The following IL15RA variants were observed in gnomAD, a reference collection of about 807,000 sequenced individuals.
IL15RA encodes interleukin-15 receptor subunit alpha.
IL15RA carries 26 observed loss-of-function variants against 24.2 expected under a neutral mutation model. The observed-to-expected ratio is 1.07, with a 90% confidence interval of 0.79 to 1.49. IL15RA has a LOEUF of 1.49. Among genes scored for constraint, IL15RA ranks in the 40% most tolerant of loss-of-function variants. The pLI, the probability that IL15RA is intolerant of heterozygous loss-of-function variation, is 0.00. For missense variants in IL15RA, 354 were observed against 356.4 expected (o/e 0.99, Z 0.05); for synonymous variants, 166 against 157.6 (o/e 1.05, Z -0.40).
chr10:5,973,235 G>A lies in IL15RA; in HGVS notation c.88+4170C>T, dbSNP rs139815527. Among the ~76,000 whole-genome samples, 152 of 152,258 alleles carry A rather than the reference G, an allele frequency of 1.0e-3. 1 individual carries two copies. Among genetic ancestry groups the A allele is most frequent in the African/African-American group, 3.5e-3 (144 of 41,554 alleles). On this transcript the variant is annotated intron_variant, in intron 1 of 6. Coordinates refer to ENST00000379977, the MANE Select transcript of IL15RA (RefSeq NM_002189.4). This position sits in a 1 kb window ranked among gnomAD's most constrained non-coding sequence, Gnocchi z 4.5. ...CATAGTAGCACAAGAAGGAGACTTTGCACCTTAGTGATATTGATTTGTCCA... is the reference window on the plus strand; with the variant it reads ...CATAGTAGCACAAGAAGGAGACTTTACACCTTAGTGATATTGATTTGTCCA...
chr10:5,970,997 G>A lies in IL15RA; in HGVS notation c.89-4658C>T, dbSNP rs1338496253. Among the ~76,000 whole-genome samples the A allele has an allele frequency of 1.3e-5, 2 of 151,798 alleles. No individual in the cohort carries two copies. Among genetic ancestry groups the A allele is most frequent in the East Asian group, 3.9e-4 (2 of 5,192 alleles). ...GGTCTCAAACTCCTGAACTCAAGCCGTCCTCCAGAGATAATACATTTAATT... is the reference window on the plus strand; with the variant it reads ...GGTCTCAAACTCCTGAACTCAAGCCATCCTCCAGAGATAATACATTTAATT... On this transcript the variant is annotated intron_variant, in intron 1 of 6. Coordinates refer to ENST00000379977, the MANE Select transcript of IL15RA (RefSeq NM_002189.4). The surrounding 1 kb of genome is among the most constrained non-coding windows in gnomAD (Gnocchi z 4.1).
At position 5,960,706 on chromosome 10, in the gene IL15RA, G is replaced by A. The variant is rs1475268164; in HGVS notation, c.383-139C>T. 9 of 706,608 alleles carry A rather than the reference G, an allele frequency of 1.3e-5. No individual in the cohort carries two copies. The highest frequency in any genetic ancestry group is 1.1e-4 in the East Asian group (4 of 36,932). The allele number at this position is 706,608 out of a possible 1,614,324, so 43.8% of individuals were successfully genotyped here. ...TCTCTCACAGCCAACTGCTCCTTGAGAGGGTGACATAGCCGTTCCTCTGGA... is the reference window on the plus strand; with the variant it reads ...TCTCTCACAGCCAACTGCTCCTTGAAAGGGTGACATAGCCGTTCCTCTGGA... On this transcript the variant is annotated intron_variant, in intron 3 of 6. Transcript: ENST00000379977. The surrounding 1 kb of genome is among the most constrained non-coding windows in gnomAD (Gnocchi z 5.1).
At position 5,968,477 on chromosome 10, in the gene IL15RA, C is replaced by T. The variant is rs1034932846; in HGVS notation, c.89-2138G>A. 1.4e-5 allele frequency: 5 copies of T among 363,748 alleles called. No homozygotes were observed. The highest frequency in any genetic ancestry group is 4.1e-5 in the Admixed American group (1 of 24,464). The allele number at this position is 363,748 out of a possible 1,614,324, so 22.5% of individuals were successfully genotyped here. A position where few individuals can be genotyped will look rare whatever the true frequency, so the allele number is the denominator to read the frequency against. ...TCTCAGGCATCTATTGTCCAGTGGC[C>T]GCCACTACTCCCCATTCCAATGAGG... On this transcript the variant is annotated intron_variant, in intron 1 of 6. Transcript: ENST00000379977. This position sits in a 1 kb window ranked among gnomAD's most constrained non-coding sequence, Gnocchi z 5.4.
chr10:5,978,422 G>A (rs188238665), upstream of IL15RA, among the ~76,000 whole-genome samples: 1 of 152,208 alleles, frequency 6.6e-6, no homozygotes, highest in African/African-American at 2.4e-5. The surrounding 1 kb of genome is among the most constrained non-coding windows in gnomAD (Gnocchi z 5.2). Flanking sequence ...CATTGGACAG[G>A]ACGAGACATC....
At chr10:5,950,299 A>G (rs1833780305), downstream of IL15RA, among the ~76,000 whole-genome samples, 1 of 152,138 alleles carries the variant, frequency 6.6e-6, no homozygotes, top group Admixed American at 6.5e-5. The surrounding 1 kb of genome is among the most constrained non-coding windows in gnomAD (Gnocchi z 5.6). Flanking sequence ...TTTTGGACTC[A>G]GGAGAACATG....
rs1464760993 is a variant in IL15RA at position 5,953,520 on chromosome 10, T to A, written c.693-314A>T. ...AAGTTCAAGACCAACCAGGACAATA[T>A]GATGAGAATAAATCCTCTCCAGGTA... On this transcript the variant is annotated intron_variant, in intron 6 of 6. Coordinates refer to ENST00000379977, the MANE Select transcript of IL15RA (RefSeq NM_002189.4). This position sits in a 1 kb window ranked among gnomAD's most constrained non-coding sequence, Gnocchi z 5.3. Among the ~76,000 whole-genome samples the A allele has an allele frequency of 2.0e-5, 3 of 152,264 alleles. No homozygotes were observed. Among genetic ancestry groups the A allele is most frequent in the South Asian group, 4.1e-4 (2 of 4,828 alleles).
At chr10:5,972,607 T>C (rs1837793589) in intron 1 of IL15RA, among the ~76,000 whole-genome samples, 1 of 152,230 alleles carries the variant, frequency 6.6e-6, no homozygotes, top group Non-Finnish European at 1.5e-5. Flanking sequence ...ATTCAAATTA[T>C]GGCAGAAAAA....
rs1358583382 is a variant in IL15RA, at chr10:5,958,774, A to G, written c.616+980T>C. ...TTCCCAGATGACGTTTGATGCAGGT[A>G]AAAATGACACCACAAAAATATGAGT... On this transcript the variant is annotated intron_variant, in intron 5 of 6. Coordinates refer to ENST00000379977, the MANE Select transcript of IL15RA (RefSeq NM_002189.4). The surrounding 1 kb of genome is among the most constrained non-coding windows in gnomAD (Gnocchi z 4.3). Among the ~76,000 whole-genome samples the G allele has an allele frequency of 6.6e-6, 1 of 152,232 alleles. No individual in the cohort carries two copies. The highest frequency in any genetic ancestry group is 1.5e-5 in the Non-Finnish European group (1 of 68,050).
Position 5,963,971 on chromosome 10 carries a change from G to A in IL15RA, c.284-130C>T. 1.7e-6 allele frequency: 1 copy of A among 599,732 alleles called. No individual in the cohort carries two copies. The highest frequency in any genetic ancestry group is 2.9e-6 in the Non-Finnish European group (1 of 342,238). 37.2% of individuals were successfully genotyped at this position (599,732 alleles called of 1,614,324 possible). A position where few individuals can be genotyped will look rare whatever the true frequency, so the allele number is the denominator to read the frequency against. ...GGAGGCCTCTGGCTTCCTCAGACAG[G>A]TTAAAAGCATAAGAAACAATGTTTC... On this transcript the variant is annotated intron_variant, in intron 2 of 6. Coordinates refer to ENST00000379977, the MANE Select transcript of IL15RA (RefSeq NM_002189.4). This position sits in a 1 kb window ranked among gnomAD's most constrained non-coding sequence, Gnocchi z 5.3.
chr10:5,960,548 G>C lies in IL15RA; in HGVS notation c.402C>G (p.Pro134=). ...TTGTGGCCGCTGTGTTGTTTGAGCT[G>C]GGAGATGAAGCTGCGGGCTCTGTAG... The part of the protein sequence containing the change: ...PSGKEPAASS[P]SSNNTAATTA... Residue 134 remains proline, a synonymous_variant, in exon 4 of 7, where the codon CCC becomes CCG. Coordinates refer to ENST00000379977, the MANE Select transcript of IL15RA (RefSeq NM_002189.4). This position sits in a 1 kb window ranked among gnomAD's most constrained non-coding sequence, Gnocchi z 5.1. 1.2e-6 allele frequency: 2 copies of C among 1,614,094 alleles called. No individual in the cohort carries two copies. The highest frequency in any genetic ancestry group is 1.7e-6 in the Non-Finnish European group (2 of 1,180,010).
chr10:5,965,027 C>A lies in IL15RA; in HGVS notation c.283+1118G>T, dbSNP rs534153909. On this transcript the variant is annotated intron_variant, in intron 2 of 6. Coordinates refer to ENST00000379977, the MANE Select transcript of IL15RA (RefSeq NM_002189.4). The surrounding 1 kb of genome is among the most constrained non-coding windows in gnomAD (Gnocchi z 5.8). ...TGGCAATGTCCAGCGCCTCAAGGAG[C>A]TCCCCTCTGTCCCCTGCTGCAGAGG... Among the ~76,000 whole-genome samples the A allele has an allele frequency of 3.7e-4, 57 of 152,344 alleles. No homozygotes were observed. The highest frequency in any genetic ancestry group is 1.3e-3 in the African/African-American group (52 of 41,576).
rs990599025 is a variant in IL15RA, at chr10:5,967,998, G to T, written c.89-1659C>A. 6.6e-6 allele frequency among the ~76,000 whole-genome samples: 1 copy of T among 152,180 alleles called. No individual in the cohort carries two copies. The highest frequency in any genetic ancestry group is 6.5e-5 in the Admixed American group (1 of 15,270). ...CACAGGAACCTGAGAGGCGGAGGTT[G>T]CAGTGAGCCAAGATTGTGCCACTGC... On this transcript the variant is annotated intron_variant, in intron 1 of 6. Coordinates refer to ENST00000379977, the MANE Select transcript of IL15RA (RefSeq NM_002189.4). The surrounding 1 kb of genome is among the most constrained non-coding windows in gnomAD (Gnocchi z 4.4).
rs960523718 is a variant in IL15RA at position 5,968,049 on chromosome 10, A to G, written c.89-1710T>C. 6.6e-6 allele frequency among the ~76,000 whole-genome samples: 1 copy of G among 152,186 alleles called. No homozygotes were observed. The highest frequency in any genetic ancestry group is 2.4e-5 in the African/African-American group (1 of 41,438). On this transcript the variant is annotated intron_variant, in intron 1 of 6. Coordinates refer to ENST00000379977, the MANE Select transcript of IL15RA (RefSeq NM_002189.4). The surrounding 1 kb of genome is among the most constrained non-coding windows in gnomAD (Gnocchi z 5.4). ...ACTCGAGCCTGGGTGACAGAGCAAG[A>G]ATCTGTCTCAAACAAACAGAAAACC...
rs1175520964 is a variant in IL15RA at position 5,960,526 on chromosome 10, T to G, written c.424A>C (p.Thr142Pro). 3.1e-6 allele frequency: 5 copies of G among 1,614,156 alleles called. No homozygotes were observed. In the Admixed American group the frequency reaches 8.3e-5, roughly 27 times the overall value. ...SSPSSNNTAA[T>P]TAAIVPGSQL... is the part of the protein sequence containing the mutation. ...GAGCCCGGGACAATAGCTGCTGTTG[T>G]GGCCGCTGTGTTGTTTGAGCTGGGA... is the stretch of plus-strand genomic sequence containing the variant. The change falls in exon 4 of 7, where the codon ACA becomes CCA. Residue 142 changes from threonine to proline, a missense_variant. Thr to Pro is a conservative substitution (Grantham distance 38). Coordinates refer to ENST00000379977, the MANE Select transcript of IL15RA (RefSeq NM_002189.4). The surrounding 1 kb of genome is among the most constrained non-coding windows in gnomAD (Gnocchi z 5.1).
chr10:5,969,312 T>C (rs1216063621), intron 1 of IL15RA, among the ~76,000 whole-genome samples: 1 of 149,220 alleles, frequency 6.7e-6, no homozygotes, highest in Admixed American at 6.7e-5. Flanking sequence ...AATTTTTTAA[T>C]TTAATTAAAT....
Position 5,971,452 on chromosome 10 carries a change from C to T in IL15RA, c.89-5113G>A, listed in dbSNP as rs867627355. Among the ~76,000 whole-genome samples the T allele has an allele frequency of 2.6e-5, 4 of 152,198 alleles. No homozygotes were observed. The highest frequency in any genetic ancestry group is 2.0e-4 in the Admixed American group (3 of 15,276). ...TATCTATCAGGTTGGTTTACAGAGT[C>T]TAATAAGAGCTGGCAGCCTCGGCCT... On this transcript the variant is annotated intron_variant, in intron 1 of 6. Coordinates refer to ENST00000379977, the MANE Select transcript of IL15RA (RefSeq NM_002189.4). This position sits in a 1 kb window ranked among gnomAD's most constrained non-coding sequence, Gnocchi z 5.5.
downstream of IL15RA, among the ~76,000 whole-genome samples, chr10:5,949,707 T>G (rs1435275033): frequency 1.3e-5 from 2 of 152,182 alleles, no homozygotes; most frequent in Non-Finnish European, 2.9e-5. This position sits in a 1 kb window ranked among gnomAD's most constrained non-coding sequence, Gnocchi z 4.4. Context: ...ACAAGATATA[T>G]TTTAAAAAGT....
At position 5,970,087 on chromosome 10, in the gene IL15RA, T is replaced by C. The variant is rs1025875827; in HGVS notation, c.89-3748A>G. On this transcript the variant is annotated intron_variant, in intron 1 of 6. Coordinates refer to ENST00000379977, the MANE Select transcript of IL15RA (RefSeq NM_002189.4). This position sits in a 1 kb window ranked among gnomAD's most constrained non-coding sequence, Gnocchi z 4.1. Reference sequence around the variant, plus strand: ...GATTCCATATGATTTCCTATGGAGATGATCACATCATAGATTCTCTGAGTA... The same window carrying C: ...GATTCCATATGATTTCCTATGGAGACGATCACATCATAGATTCTCTGAGTA... Among the ~76,000 whole-genome samples, 9 of 152,370 alleles carry C rather than the reference T, an allele frequency of 5.9e-5. No homozygotes were observed. Among genetic ancestry groups the C allele is most frequent in the East Asian group, 3.8e-4 (2 of 5,196 alleles).
chr10:5,952,858 T>C lies in IL15RA; in HGVS notation c.*237A>G. The stretch of plus-strand genomic sequence containing the variant: ...AAGCCTTTGGTCTCTCCTGGGAAGC[T>C]GGGCCCTGGGTCCAAGGCACGACAG... On this transcript the variant is annotated 3_prime_UTR_variant, in exon 7 of 7. Coordinates refer to ENST00000379977, the MANE Select transcript of IL15RA (RefSeq NM_002189.4). The C allele has an allele frequency of 3.4e-6, 2 of 592,976 alleles. No homozygotes were observed. The highest frequency in any genetic ancestry group is 6.0e-6 in the Non-Finnish European group (2 of 333,860). The allele number at this position is 592,976 out of a possible 1,614,324, so 36.7% of individuals were successfully genotyped here. A position where few individuals can be genotyped will look rare whatever the true frequency, so the allele number is the denominator to read the frequency against.
Sources: gnomAD v4.1 joint callset for allele counts (sites outside exome capture counted in the v4.1 genomes callset) on GRCh38, gnomAD v4.1.1 for gene constraint, Gnocchi (gnomAD v3.1) non-coding constraint, MANE v1.5 for transcripts, NCBI Gene and HGNC (gene_info 2026-07-23, HGNC 2026-07-21) for gene names.